Variants in TEX2 observed in about 807,000 individuals in gnomAD.
The protein encoded by TEX2 is testis-expressed protein 2.
TEX2 carries 53 observed loss-of-function variants against 106.9 expected under a neutral mutation model. The ratio of observed to expected loss-of-function variants is 0.50; its 90% CI spans 0.40 to 0.62. The LOEUF is 0.62. TEX2 is among the 20% of genes least tolerant of loss of function. The pLI, the probability that TEX2 is intolerant of heterozygous loss-of-function variation, is 0.00. For missense variants in TEX2, 1,207 were observed against 1,379.0 expected (o/e 0.88, Z 1.98); for synonymous variants, 523 against 534.8 (o/e 0.98, Z 0.30).
intron 2 of TEX2, among the ~76,000 whole-genome samples, chr17:64,200,589 C>T (rs2032627881): frequency 1.3e-5 from 2 of 152,190 alleles, no homozygotes; most frequent in Admixed American, 1.3e-4. Flanking sequence ...TAAAGGTCAT[C>T]CTCTACCACT....
chr17:64,217,817 C>A lies in TEX2; in HGVS notation c.-25-3575G>T, dbSNP rs1280842173. ...CAAAGCCCTTGGGTTTTAACACTGA[C>A]CCCCCAAGCCTTGTGATGGGAAGGA... On this transcript the variant is annotated intron_variant, in intron 1 of 11. Coordinates refer to ENST00000584379, the MANE Select transcript of TEX2 (RefSeq NM_001288732.2). The surrounding 1 kb of genome is among the most constrained non-coding windows in gnomAD (Gnocchi z 4.3). Among the ~76,000 whole-genome samples the A allele has an allele frequency of 6.6e-6, 1 of 152,182 alleles. No individual in the cohort carries two copies. The highest frequency in any genetic ancestry group is 1.5e-5 in the Non-Finnish European group (1 of 68,032).
intron 1 of TEX2, among the ~76,000 whole-genome samples, chr17:64,222,221 T>C (rs2033376305): frequency 6.6e-6 from 1 of 152,146 alleles, no homozygotes; most frequent in Non-Finnish European, 1.5e-5. Context: ...GTTAGTTACA[T>C]TTTAAAAAGC....
rs554899537 is a variant in TEX2 at position 64,197,778 on chromosome 17, G to A, written c.1645-2683C>T. On this transcript the variant is annotated intron_variant, in intron 2 of 11. Coordinates refer to ENST00000584379, the MANE Select transcript of TEX2 (RefSeq NM_001288732.2). ...GGAGTCTTGCTATGTTGCCCAAGCT[G>A]GTCTTGAACTCTTGGTCTCAAGCAG... 7.9e-5 allele frequency among the ~76,000 whole-genome samples: 12 copies of A among 152,162 alleles called. No homozygotes were observed. The East Asian group carries it at 2.3e-3, about 29-fold the overall frequency.
At chr17:64,246,378 T>C (rs1236839189) in intron 1 of TEX2, among the ~76,000 whole-genome samples, 5 of 152,166 alleles carry the variant, frequency 3.3e-5, no homozygotes, top group African/African-American at 1.2e-4. Context: ...CCTGAGTAGC[T>C]GTTATTACAG....
At chr17:64,163,667 G>T (rs533808797) in intron 7 of TEX2, among the ~76,000 whole-genome samples, 1 of 152,186 alleles carries the variant, frequency 6.6e-6, no homozygotes, top group Non-Finnish European at 1.5e-5. Flanking sequence ...AACCGGTTAC[G>T]TGACAGGTGA....
chr17:64,249,013 C>T (rs1248412553), intron 1 of TEX2, among the ~76,000 whole-genome samples: 2 of 148,584 alleles, frequency 1.3e-5, no homozygotes, highest in African/African-American at 5.0e-5. Flanking sequence ...TGAGACTGGG[C>T]AACAGAACAA....
intron 2 of TEX2, among the ~76,000 whole-genome samples, chr17:64,210,099 A>C (rs144619765): frequency 2.0e-5 from 3 of 152,338 alleles, no homozygotes; most frequent in African/African-American, 7.2e-5. Context: ...TACTAGAGTT[A>C]ATATAAGCGC....
chr17:64,254,015 T>C (rs1282533278), intron 1 of TEX2, among the ~76,000 whole-genome samples: 1 of 152,206 alleles, frequency 6.6e-6, no homozygotes, highest in East Asian at 1.9e-4. Flanking sequence ...TAAACCCTCC[T>C]GGCAGCAAAC....
At chr17:64,230,838 C>T (rs1273619439) in intron 1 of TEX2, 4 of 152,194 alleles carry the variant, frequency 2.6e-5, no homozygotes, top group Non-Finnish European at 5.9e-5. Flanking sequence ...TAGAGTCCTA[C>T]TTTTCTCTTT....
intron 1 of TEX2, among the ~76,000 whole-genome samples, chr17:64,235,081 C>G (rs1342823663): frequency 1.3e-5 from 2 of 152,198 alleles, no homozygotes; most frequent in Admixed American, 1.3e-4. Context: ...CCTGAACCAA[C>G]AAGAACAACA....
Position 64,185,081 on chromosome 17 carries a change from A to T in TEX2, c.2424+3087T>A, listed in dbSNP as rs1441179724. ...CTCCTATTTGCTCTGTAACATTCTC[A>T]TCTTCTGATAACACCAAACAGGTAA... On this transcript the variant is annotated intron_variant, in intron 5 of 11. Coordinates refer to ENST00000584379, the MANE Select transcript of TEX2 (RefSeq NM_001288732.2). The surrounding 1 kb of genome is among the most constrained non-coding windows in gnomAD (Gnocchi z 4.0). 6.6e-6 allele frequency among the ~76,000 whole-genome samples: 1 copy of T among 152,162 alleles called. No individual in the cohort carries two copies. Among genetic ancestry groups the T allele is most frequent in the Non-Finnish European group, 1.5e-5 (1 of 68,034 alleles).
chr17:64,226,602 C>T (rs1378548525), intron 1 of TEX2, among the ~76,000 whole-genome samples: 4 of 152,126 alleles, frequency 2.6e-5, no homozygotes, highest in African/African-American at 9.7e-5. Context: ...CATGAACAGG[C>T]ACTTCACCCA....
intron 1 of TEX2, among the ~76,000 whole-genome samples, chr17:64,229,694 T>TAAA (rs2033611038): frequency 6.6e-6 from 1 of 152,234 alleles, no homozygotes; most frequent in African/African-American, 2.4e-5. Context: ...CATATTGCTC[T>TAAA]GTTTCCTATA....
chr17:64,239,667 GGAGTTC>G (rs2033843640), intron 1 of TEX2, among the ~76,000 whole-genome samples: 2 of 152,226 alleles, frequency 1.3e-5, no homozygotes, highest in South Asian at 4.1e-4. Flanking sequence ...CCTGAGGTCA[GGAGTTC>G]GAGACGAGGC....
In TEX2 at chr17:64,188,417, T is replaced by C; in HGVS notation, c.2177-2A>G. On this transcript the variant is annotated splice_acceptor_variant, in intron 4 of 11. Coordinates refer to ENST00000584379, the MANE Select transcript of TEX2 (RefSeq NM_001288732.2). LOFTEE classifies it high-confidence loss of function. ...GTCTGCTGTGTGCAGGCAAAAGCCC[T>C]GGAGCCAAGAAGACGGGGGCTATTC... 6.2e-7 allele frequency: 1 copy of C among 1,614,142 alleles called. No homozygotes were observed. Among genetic ancestry groups the C allele is most frequent in the Non-Finnish European group, 8.5e-7 (1 of 1,180,008 alleles).
At chr17:64,158,174 T>C (rs2030719637) in intron 8 of TEX2, among the ~76,000 whole-genome samples, 1 of 152,240 alleles carries the variant, frequency 6.6e-6, no homozygotes, top group African/African-American at 2.4e-5. Flanking sequence ...GAGACTTTGC[T>C]AGGGCAAAGC....
At chr17:64,220,918 A>T (rs1486306685) in intron 1 of TEX2, among the ~76,000 whole-genome samples, 9 of 152,240 alleles carry the variant, frequency 5.9e-5, no homozygotes, top group African/African-American at 2.2e-4. Context: ...TCACTGCACC[A>T]CTATTCACAA....
chr17:64,166,253 C>A (rs758595980), intron 7 of TEX2, among the ~76,000 whole-genome samples: 1 of 152,236 alleles, frequency 6.6e-6, no homozygotes, highest in Non-Finnish European at 1.5e-5. Flanking sequence ...GTGCTTTACA[C>A]GTAACACTGC....
At chr17:64,157,309 A>G (rs1447609476) in intron 8 of TEX2, among the ~76,000 whole-genome samples, 3 of 152,208 alleles carry the variant, frequency 2.0e-5, no homozygotes, top group South Asian at 4.1e-4. Context: ...GACACCTTAA[A>G]AGGCTTATTC....
Sources: allele counts gnomAD v4.1 joint callset (sites outside exome capture counted in the v4.1 genomes callset), GRCh38; gene constraint gnomAD v4.1.1; non-coding constraint Gnocchi (gnomAD v3.1); transcripts MANE v1.5; gene names NCBI Gene and HGNC (gene_info 2026-07-23, HGNC 2026-07-21).